FOXRED2: variants seen among roughly 807,000 people sequenced by gnomAD.
FOXRED2 encodes the protein FAD-dependent oxidoreductase domain-containing protein 2.
In FOXRED2, 32 loss-of-function variants were observed where a neutral mutation model predicts 52.5. That is an observed-to-expected ratio of 0.61 (90% confidence interval 0.46 to 0.82). The LOEUF (loss-of-function observed/expected upper bound fraction) is 0.82, where lower values mean the gene tolerates loss of function less well. Ranked by LOEUF, FOXRED2 falls within the 40% of genes least tolerant of loss-of-function variation. FOXRED2 has a pLI of 0.00. For missense variants in FOXRED2, 848 were observed against 937.5 expected (o/e 0.90, Z 1.25); for synonymous variants, 405 against 398.1 (o/e 1.02, Z -0.21).
At chr22:36,497,714 T>C (rs1322772794) in intron 6 of FOXRED2, among the ~76,000 whole-genome samples, 1 of 152,188 alleles carries the variant, frequency 6.6e-6, no homozygotes, top group Non-Finnish European at 1.5e-5. Context: ...AAGTGACCTT[T>C]ACTCCTTCCT....
At position 36,504,313 on chromosome 22, in the gene FOXRED2, C is replaced by T; in HGVS notation, c.834G>A (p.Leu278=). The T allele has an allele frequency of 6.2e-7, 1 of 1,614,170 alleles. No individual in the cohort carries two copies. ...CCAGATCCGTCAGGTCAGACTCGAG[C>T]AGCCCGTCCAGGGACTTGAGCTGGT... The part of the protein sequence containing the change: ...DTYQLKSLDG[L]LESDLTDLAI... The change falls in exon 4 of 9, where the codon CTG becomes CTA. Residue 278 remains leucine, a synonymous_variant. Transcript: ENST00000397224.
intron 7 of FOXRED2, among the ~76,000 whole-genome samples, chr22:36,494,743 G>C (rs1030722083): frequency 1.0e-4 from 15 of 150,396 alleles, no homozygotes; most frequent in African/African-American, 3.7e-4. Context: ...GGGTTCAAGC[G>C]ATTCTCCTGC....
Position 36,504,296 on chromosome 22 carries a change from G to A in FOXRED2, c.851C>T (p.Thr284Met), listed in dbSNP as rs142793535. 154 of 1,614,056 alleles carry A rather than the reference G, an allele frequency of 9.5e-5. 1 individual carries two copies. Among genetic ancestry groups the A allele is most frequent in the South Asian group, 2.0e-4 (18 of 91,088 alleles). ...GCTGTCCTTCAGGATGGCCAGATCCGTCAGGTCAGACTCGAGCAGCCCGTC... is the reference window on the plus strand; with the variant it reads ...GCTGTCCTTCAGGATGGCCAGATCCATCAGGTCAGACTCGAGCAGCCCGTC... The part of the protein sequence containing the change: ...SLDGLLESDL[T>M]DLAILKDSKG... The change falls in exon 4 of 9, where the codon ACG (threonine) becomes ATG (methionine). Residue 284 changes from threonine to methionine, a missense_variant. Physicochemically the swap from Thr to Met is moderately conservative, Grantham distance 81 (BLOSUM62 -1). Coordinates refer to ENST00000397224, the MANE Select transcript of FOXRED2 (RefSeq NM_001102371.2).
chr22:36,506,176 T>C lies in FOXRED2; in HGVS notation c.247A>G (p.Lys83Glu). The C allele has an allele frequency of 6.2e-7, 1 of 1,614,198 alleles. No homozygotes were observed. Among genetic ancestry groups the C allele is most frequent in the Non-Finnish European group, 8.5e-7 (1 of 1,180,018 alleles). Residue 83 changes from lysine to glutamate, a missense_variant, in exon 2 of 9, where the codon AAG (lysine) becomes GAG (glutamate). Transcript: ENST00000397224. The part of the protein sequence containing the change: ...PRHRKLISIN[K>E]RYTGKANAEF... ...GCGTTAGCCTTGCCCGTGTACCGCTTGTTGATGCTGATGAGCTTGCGGTGC... is the reference window on the plus strand; with the variant it reads ...GCGTTAGCCTTGCCCGTGTACCGCTCGTTGATGCTGATGAGCTTGCGGTGC...
Position 36,487,986 on chromosome 22 carries a change from G to C in FOXRED2, c.*2022C>G, listed in dbSNP as rs1354418923. 6.6e-6 allele frequency: 1 copy of C among 152,042 alleles called. No individual in the cohort carries two copies. 9.4% of individuals were successfully genotyped at this position (152,042 alleles called of 1,614,324 possible). On this transcript the variant is annotated 3_prime_UTR_variant, in exon 9 of 9. Coordinates refer to ENST00000397224, the MANE Select transcript of FOXRED2 (RefSeq NM_001102371.2). ...AGGCGCTTGTAATCCCAGCTACTTG[G>C]GAGGTTGAGGGAAGAGAATTGTTTA...
At chr22:36,503,318 T>G (rs1037436544) in intron 4 of FOXRED2, among the ~76,000 whole-genome samples, 2 of 143,714 alleles carry the variant, frequency 1.4e-5, no homozygotes, top group Non-Finnish European at 3.1e-5. Flanking sequence ...TCTTCTTTCT[T>G]TTTTTTTTTT....
At position 36,489,725 on chromosome 22, in the gene FOXRED2, G is replaced by A; in HGVS notation, c.*283C>T. On this transcript the variant is annotated 3_prime_UTR_variant, in exon 9 of 9. Coordinates refer to ENST00000397224, the MANE Select transcript of FOXRED2 (RefSeq NM_001102371.2). The stretch of plus-strand genomic sequence containing the variant: ...ACGGGGCAGAACTGGGCTGGCCTGG[G>A]GCTCAGCGACAGCTCCATTGCAGAC... The A allele has an allele frequency of 2.8e-6, 1 of 356,742 alleles. No homozygotes were observed. Among genetic ancestry groups the A allele is most frequent in the South Asian group, 5.8e-5 (1 of 17,370 alleles). 22.1% of individuals were successfully genotyped at this position (356,742 alleles called of 1,614,324 possible). A position where few individuals can be genotyped will look rare whatever the true frequency, so the allele number is the denominator to read the frequency against.
chr22:36,499,690 T>C (rs987288210), intron 5 of FOXRED2, among the ~76,000 whole-genome samples: 9 of 70,268 alleles, frequency 1.3e-4, no homozygotes, highest in South Asian at 5.8e-4. Flanking sequence ...TTCTTTCAAA[T>C]AGACTCACCT....
chr22:36,501,210 G>A, intron 5 of FOXRED2, 31 bp downstream of exon 5: 1 of 1,610,176 alleles, frequency 6.2e-7, no homozygotes, highest in East Asian at 2.2e-5. Flanking sequence ...GTTCCGTCTG[G>A]GGACAGTTCT....
chr22:36,491,473 G>C (rs1933754381), intron 8 of FOXRED2, among the ~76,000 whole-genome samples: 1 of 151,968 alleles, frequency 6.6e-6, no homozygotes, highest in Non-Finnish European at 1.5e-5. Flanking sequence ...CACGATCCCA[G>C]CTCACTACAA....
chr22:36,504,857 C>A (rs1934153210), intron 2 of FOXRED2, 91 bp from the exon 3 acceptor site: 1 of 1,417,550 alleles, frequency 7.1e-7, no homozygotes, highest in African/African-American at 1.4e-5. Flanking sequence ...CACCCACCTG[C>A]CTGGCTCCAA....
rs763926357 is a variant in FOXRED2 at position 36,493,738 on chromosome 22, C to T, written c.1690G>A (p.Val564Met). Reference sequence around the variant, plus strand: ...GTCCAGTCTGTTAAGAAGTCTTCCACGATGTGATGGATGGCCGTGGGCCGA... The same window carrying T: ...GTCCAGTCTGTTAAGAAGTCTTCCATGATGTGATGGATGGCCGTGGGCCGA... ...LPRPTAIHHI[V>M]EDFLTDWTAP... is the part of the protein sequence containing the mutation. The change falls in exon 8 of 9, where the codon GTG (valine) becomes ATG (methionine). Residue 564 changes from valine to methionine, a missense_variant. Transcript: ENST00000397224. The T allele has an allele frequency of 1.1e-5, 18 of 1,614,040 alleles. No individual in the cohort carries two copies. Among genetic ancestry groups the T allele is most frequent in the African/African-American group, 8.0e-5 (6 of 74,932 alleles).
intron 8 of FOXRED2, among the ~76,000 whole-genome samples, chr22:36,491,055 G>A (rs1219632447): frequency 7.9e-5 from 12 of 152,124 alleles, no homozygotes; most frequent in Admixed American, 6.6e-4. Flanking sequence ...CCAGCTACTC[G>A]GGAGGCTGAG....
At chr22:36,504,023 C>G in intron 4 of FOXRED2, 75 bp downstream of exon 4, 3 of 1,507,372 alleles carry the variant, frequency 2.0e-6, no homozygotes, top group South Asian at 1.2e-5. Flanking sequence ...GCCTACTGAA[C>G]AGCCACCCTG....
chr22:36,489,902 G>A lies in FOXRED2; in HGVS notation c.*106C>T. ...CACTGCCATGATCTGAGTGGTCTTT[G>A]GCAATCACGCATTGGCGGGAGTGTG... On this transcript the variant is annotated 3_prime_UTR_variant, in exon 9 of 9. Coordinates refer to ENST00000397224, the MANE Select transcript of FOXRED2 (RefSeq NM_001102371.2). 5.8e-6 allele frequency: 7 copies of A among 1,211,580 alleles called. No homozygotes were observed. The highest frequency in any genetic ancestry group is 4.8e-5 in the South Asian group (3 of 62,004). The allele number at this position is 1,211,580 out of a possible 1,614,324, so 75.1% of individuals were successfully genotyped here. A position where few individuals can be genotyped will look rare whatever the true frequency, so the allele number is the denominator to read the frequency against.
At chr22:36,494,192 C>T (rs567745473) in intron 7 of FOXRED2, among the ~76,000 whole-genome samples, 1 of 152,340 alleles carries the variant, frequency 6.6e-6, no homozygotes, top group East Asian at 1.9e-4. Context: ...TTTAGGCTCA[C>T]CGCAACCTCT....
chr22:36,504,256 A>G lies in FOXRED2; in HGVS notation c.891T>C (p.His297=), dbSNP rs1934131136. 6.8e-6 allele frequency: 11 copies of G among 1,614,208 alleles called. No individual in the cohort carries two copies. The highest frequency in any genetic ancestry group is 1.1e-5 in the South Asian group (1 of 91,084). ...CTTCCAGGAAGAATTTCGGGGTGAC[A>G]TGGAACTTGCCTTTGCTGTCCTTCA... ...AILKDSKGKF[H]VTPKFFLEEA... Residue 297 remains histidine (H), a synonymous_variant, in exon 4 of 9, where the codon CAT becomes CAC. Coordinates refer to ENST00000397224, the MANE Select transcript of FOXRED2 (RefSeq NM_001102371.2).
At chr22:36,496,281 A>G in intron 6 of FOXRED2, 73 bp from the exon 7 acceptor site, 4 of 1,577,994 alleles carry the variant, frequency 2.5e-6, no homozygotes, top group Admixed American at 3.4e-5. Flanking sequence ...GGGGGTGAGC[A>G]TGTGTGTGTG....
At chr22:36,498,370 A>G (rs1472387652) in intron 5 of FOXRED2, 2 of 570,548 alleles carry the variant, frequency 3.5e-6, no homozygotes, top group Non-Finnish European at 6.2e-6. Flanking sequence ...AGGGCCAGAC[A>G]ATCCATATTC....
Sources: allele counts gnomAD v4.1 joint callset (sites outside exome capture counted in the v4.1 genomes callset), GRCh38; gene constraint gnomAD v4.1.1; transcripts MANE v1.5; gene names NCBI Gene and HGNC (gene_info 2026-07-23, HGNC 2026-07-21).